Variants in COMMD6 observed in about 807,000 individuals in gnomAD.
The protein encoded by COMMD6 is COMM domain containing 6, also known as COMM domain-containing protein 6.
A neutral mutation model predicts 13.4 loss-of-function variants in COMMD6; 11 were observed. That is an observed-to-expected ratio of 0.82 (90% CI 0.52 to 1.36). The LOEUF is 1.36. COMMD6 is among the 40% of genes most tolerant of loss of function. The pLI, the probability that COMMD6 is intolerant of heterozygous loss-of-function variation, is 0.00. For synonymous variants in COMMD6, 43 were observed against 36.5 expected (o/e 1.18, Z -0.64); for missense variants, 124 against 102.4 (o/e 1.21, Z -0.91).
chr13:75,544,313 C>T (rs2030869242), intron 1 of COMMD6, among the ~76,000 whole-genome samples: 1 of 152,184 alleles, frequency 6.6e-6, no homozygotes, highest in African/African-American at 2.4e-5. Flanking sequence ...ATATCAGAAA[C>T]TCCGAATGAG....
rs151030353 is a variant in COMMD6 at position 75,535,022 on chromosome 13, G to A, written c.54+2642C>T. On this transcript the variant is annotated intron_variant, in intron 2 of 3. Transcript: ENST00000682242. The stretch of plus-strand genomic sequence containing the variant: ...TATAATGTAATGGTAGTATTATAGC[G>A]TGACGAAATGCAGGGTAAGGTGACA... 2.3e-3 allele frequency among the ~76,000 whole-genome samples: 349 copies of A among 152,344 alleles called. 2 individuals are homozygous for A. The highest frequency in any genetic ancestry group is 7.9e-3 in the African/African-American group (328 of 41,574).
At chr13:75,541,647 A>C (rs1043870543), upstream of COMMD6, among the ~76,000 whole-genome samples, 1 of 152,076 alleles carries the variant, frequency 6.6e-6, no homozygotes, top group Non-Finnish European at 1.5e-5. Context: ...TGGTAGAGTC[A>C]CTGGAAGTAA....
intron 2 of COMMD6, among the ~76,000 whole-genome samples, chr13:75,533,188 T>C (rs547585648): frequency 1.3e-5 from 2 of 152,104 alleles, no homozygotes; most frequent in East Asian, 3.9e-4. Flanking sequence ...TGCCTCAGCC[T>C]CCCAAAGTGC....
intron 2 of COMMD6, among the ~76,000 whole-genome samples, chr13:75,533,801 A>G (rs2030573546): frequency 6.6e-6 from 1 of 152,148 alleles, no homozygotes; most frequent in Non-Finnish European, 1.5e-5. Context: ...GAGAATGCTG[A>G]GGTATCCAGT....
chr13:75,545,958 TTG>T (rs1437812432), intron 1 of COMMD6, among the ~76,000 whole-genome samples: 1 of 152,190 alleles, frequency 6.6e-6, no homozygotes, highest in Non-Finnish European at 1.5e-5. Flanking sequence ...TCAATAATAA[TTG>T]TACATTTTAA....
At chr13:75,543,517 T>C (rs9573582), upstream of COMMD6, among the ~76,000 whole-genome samples, 112,369 of 151,894 alleles carry the variant, frequency 0.74, 43,054 homozygotes, top group East Asian at 0.93. Flanking sequence ...ACTAAATGTA[T>C]GGTAATTTGT....
rs1234276394 is a variant in COMMD6 at position 75,530,279 on chromosome 13, A to G, written c.55-13T>C. 6.3e-7 allele frequency: 1 copy of G among 1,597,618 alleles called. No homozygotes were observed. The highest frequency in any genetic ancestry group is 1.7e-5 in the Admixed American group (1 of 57,698). ...GAAAATCTACAAGCTTTAATAAGAC[A>G]GGACAAAATAATACATTAGTAGTAA... is the stretch of plus-strand genomic sequence containing the variant. On this transcript the variant is annotated splice_polypyrimidine_tract_variant and intron_variant, in intron 2 of 3. Transcript: ENST00000682242.
At chr13:75,537,227 A>C (rs2030699422) in intron 2 of COMMD6, among the ~76,000 whole-genome samples, 1 of 152,262 alleles carries the variant, frequency 6.6e-6, no homozygotes, top group Non-Finnish European at 1.5e-5. Context: ...GATATACTTT[A>C]AAAGTCAAAT....
At chr13:75,532,368 A>C (rs1483556209) in intron 2 of COMMD6, among the ~76,000 whole-genome samples, 1 of 152,226 alleles carries the variant, frequency 6.6e-6, no homozygotes, top group Admixed American at 6.5e-5. Flanking sequence ...AAAGCTTTAC[A>C]GAAGGCTTTA....
At chr13:75,544,464 TA>T (rs538629304) in intron 1 of COMMD6, among the ~76,000 whole-genome samples, 70 of 152,172 alleles carry the variant, frequency 4.6e-4, no homozygotes, top group African/African-American at 1.6e-3. Context: ...AGTCTAGTGT[TA>T]AAAAAAGTGA....
intron 2 of COMMD6, among the ~76,000 whole-genome samples, chr13:75,532,999 T>C (rs868370862): frequency 7.3e-5 from 11 of 151,482 alleles, no homozygotes; most frequent in East Asian, 2.0e-4. Context: ...GGCACGATCT[T>C]GGCTTACTGC....
rs2030251566 is a variant in COMMD6 at position 75,526,281 on chromosome 13, G to C, written c.*308C>G. Reference sequence around the variant, plus strand: ...CAGTACAAGTTTTTAAACTACTGTTGTAACACATAAATTTGTGCTGCCTCC... The same window carrying C: ...CAGTACAAGTTTTTAAACTACTGTTCTAACACATAAATTTGTGCTGCCTCC... On this transcript the variant is annotated 3_prime_UTR_variant, in exon 4 of 4. Coordinates refer to ENST00000682242, the MANE Select transcript of COMMD6 (RefSeq NM_203495.4). 1 of 234,890 alleles carries C rather than the reference G, an allele frequency of 4.3e-6. No homozygotes were observed. The highest frequency in any genetic ancestry group is 1.6e-4 in the South Asian group (1 of 6,322). The allele number at this position is 234,890 out of a possible 1,614,324, so 14.6% of individuals were successfully genotyped here. A position where few individuals can be genotyped will look rare whatever the true frequency, so the allele number is the denominator to read the frequency against.
At chr13:75,534,302 C>T (rs147909137) in intron 2 of COMMD6, among the ~76,000 whole-genome samples, 2 of 152,248 alleles carry the variant, frequency 1.3e-5, no homozygotes, top group East Asian at 3.9e-4. Flanking sequence ...ATGCTAAGTT[C>T]CACTCACTAT....
chr13:75,532,310 C>T (rs2030507840), intron 2 of COMMD6, among the ~76,000 whole-genome samples: 1 of 152,164 alleles, frequency 6.6e-6, no homozygotes. Context: ...TCAGTGACTA[C>T]ATTTCTGGTT....
At chr13:75,527,933 T>C (rs1463362574) in intron 3 of COMMD6, 4 of 1,352,874 alleles carry the variant, frequency 3.0e-6, no homozygotes, top group South Asian at 4.2e-5. Context: ...TAATGTACAA[T>C]ATGGTGACTA....
chr13:75,539,523 A>G (rs938683877), upstream of COMMD6, among the ~76,000 whole-genome samples: 7 of 152,196 alleles, frequency 4.6e-5, no homozygotes, highest in African/African-American at 1.7e-4. Flanking sequence ...CTGGGATTAC[A>G]GACGTGAGCC....
chr13:75,532,919 A>T (rs186305089), intron 2 of COMMD6, among the ~76,000 whole-genome samples: 10 of 151,732 alleles, frequency 6.6e-5, no homozygotes, highest in Non-Finnish European at 1.3e-4. Context: ...CAACTCACTG[A>T]AAGTTTTTGT....
At chr13:75,532,875 C>T (rs936425512) in intron 2 of COMMD6, among the ~76,000 whole-genome samples, 2 of 151,798 alleles carry the variant, frequency 1.3e-5, no homozygotes, top group Non-Finnish European at 2.9e-5. Context: ...ACCACATTAA[C>T]TCACTTAAAC....
intron 2 of COMMD6, among the ~76,000 whole-genome samples, chr13:75,535,515 G>C (rs1273596678): frequency 6.6e-6 from 1 of 152,214 alleles, no homozygotes; most frequent in Non-Finnish European, 1.5e-5. Flanking sequence ...GGTGAATTTA[G>C]AGTGAGAGAA....
Sources: allele counts gnomAD v4.1 joint callset (sites outside exome capture counted in the v4.1 genomes callset), GRCh38; gene constraint gnomAD v4.1.1; transcripts MANE v1.5; gene names NCBI Gene and HGNC (gene_info 2026-07-23, HGNC 2026-07-21).